The following MYO16 variants were observed in gnomAD, a reference collection of about 807,000 sequenced individuals.
MYO16 encodes unconventional myosin-XVI.
MYO16 carries 94 observed loss-of-function variants against 205.3 expected under a neutral mutation model. The observed-to-expected ratio is 0.46, with a 90% CI of 0.39 to 0.54. The LOEUF is 0.54. Ranked by LOEUF, MYO16 falls within the 20% of genes least tolerant of loss-of-function variation. The pLI is 0.00. For synonymous variants in MYO16, 988 were observed against 954.0 expected (o/e 1.04, Z -0.66); for missense variants, 2,315 against 2,387.5 (o/e 0.97, Z 0.63).
chr13:109,118,527 A>G (rs1195843084), intron 28 of MYO16, among the ~76,000 whole-genome samples: 2 of 152,164 alleles, frequency 1.3e-5, no homozygotes, highest in African/African-American at 2.4e-5. Context: ...AATGATCATT[A>G]TTGATCCCAT....
chr13:108,834,196 G>A (rs938486019), intron 9 of MYO16, among the ~76,000 whole-genome samples: 17 of 152,154 alleles, frequency 1.1e-4, no homozygotes, highest in Non-Finnish European at 2.1e-4. Context: ...GAGTTTCTAA[G>A]TGCTGGGGTG....
intron 4 of MYO16, among the ~76,000 whole-genome samples, chr13:108,734,104 A>C (rs1184050471): frequency 6.6e-6 from 1 of 152,202 alleles, no homozygotes; most frequent in Non-Finnish European, 1.5e-5. Flanking sequence ...GTTCCTTCAA[A>C]TCTCTGGTCA....
intron 32 of MYO16, among the ~76,000 whole-genome samples, chr13:109,156,771 C>G (rs1055648514): frequency 2.0e-5 from 3 of 152,070 alleles, no homozygotes; most frequent in Non-Finnish European, 1.5e-5. Context: ...CTCCTGCAAG[C>G]CCACATCTGC....
intron 3 of MYO16, among the ~76,000 whole-genome samples, 184 bp from the exon 4 acceptor site, chr13:108,727,256 C>T (rs1884371202): frequency 6.6e-6 from 1 of 151,914 alleles, no homozygotes; most frequent in African/African-American, 2.4e-5. Context: ...CCCAGTTCCC[C>T]AGAAGTCTTG....
intron 6 of MYO16, among the ~76,000 whole-genome samples, chr13:108,803,838 T>C (rs1244009749): frequency 6.6e-6 from 1 of 152,138 alleles, no homozygotes; most frequent in Non-Finnish European, 1.5e-5. Context: ...AGCATATAGA[T>C]ATTGTGTATC....
intron 7 of MYO16, among the ~76,000 whole-genome samples, chr13:108,819,849 C>T (rs938210865): frequency 3.3e-5 from 5 of 152,146 alleles, no homozygotes; most frequent in African/African-American, 1.2e-4. Context: ...ACAAAACACA[C>T]TATACCATAT....
intron 1 of MYO16, among the ~76,000 whole-genome samples, chr13:108,612,606 G>T (rs1166293893): frequency 1.3e-5 from 2 of 151,274 alleles, no homozygotes; most frequent in South Asian, 4.2e-4. Flanking sequence ...AACACTCGAG[G>T]AAATAAATAA....
intron 23 of MYO16, among the ~76,000 whole-genome samples, chr13:109,039,718 A>G (rs1886822987): frequency 6.6e-6 from 1 of 152,182 alleles, no homozygotes; most frequent in Non-Finnish European, 1.5e-5. Flanking sequence ...TGAGAAATGT[A>G]TATCACTAAA....
intron 4 of MYO16, among the ~76,000 whole-genome samples, chr13:108,738,624 G>T (rs926194876): frequency 2.0e-5 from 3 of 152,278 alleles, no homozygotes; most frequent in Admixed American, 6.5e-5. Context: ...TTGATTCGGG[G>T]TGAAGAGTTC....
upstream of MYO16, among the ~76,000 whole-genome samples, chr13:108,595,968 A>T (rs1416242382): frequency 1.3e-5 from 2 of 151,194 alleles, no homozygotes; most frequent in Non-Finnish European, 2.9e-5. Flanking sequence ...CAGTCATAAA[A>T]GGACAGCAGC....
At chr13:108,644,066 C>T (rs1479989154) in intron 1 of MYO16, among the ~76,000 whole-genome samples, 1 of 152,118 alleles carries the variant, frequency 6.6e-6, no homozygotes, top group African/African-American at 2.4e-5. Context: ...TGTCCTGGGC[C>T]CAGTTTCCTG....
intron 1 of MYO16, among the ~76,000 whole-genome samples, chr13:108,646,159 G>T (rs1221205945): frequency 1.3e-5 from 2 of 152,144 alleles, no homozygotes; most frequent in Non-Finnish European, 2.9e-5. Flanking sequence ...GTAAGAAAAA[G>T]GAGGGCTTTT....
rs58117690 is a variant in MYO16 at position 108,871,322 on chromosome 13, T to TTGTGTGTGTGTGTGTG, written c.1425+5106_1425+5121dup. Among the ~76,000 whole-genome samples the TTGTGTGTGTGTGTGTG allele has an allele frequency of 6.8e-5, 9 of 131,570 alleles. No homozygotes were observed. In the East Asian group the frequency reaches 1.2e-3, roughly 17 times the overall value. The allele number at this position is 131,570 out of a possible 152,430, so 86.3% of individuals were successfully genotyped here. A position where few individuals can be genotyped will look rare whatever the true frequency, so the allele number is the denominator to read the frequency against. ...TGAGGTCTGTTTCTACTATGTGACT[T>TTGTGTGTGTGTGTGTG]TGTGTGTGTGTGTGTGTGTGTGTGT... On this transcript the variant is annotated intron_variant, in intron 12 of 34. Coordinates refer to ENST00000457511, the MANE Select transcript of MYO16 (RefSeq NM_001198950.3).
At chr13:108,926,908 G>A (rs9514944) in intron 16 of MYO16, among the ~76,000 whole-genome samples, 40,380 of 152,038 alleles carry the variant, frequency 0.27, 5,763 homozygotes, top group Middle Eastern at 0.32. Flanking sequence ...CAGATTGCAC[G>A]TAGTTCTGTT....
intron 28 of MYO16, among the ~76,000 whole-genome samples, chr13:109,102,319 A>G (rs1016839998): frequency 5.9e-5 from 9 of 152,138 alleles, no homozygotes; most frequent in Admixed American, 1.3e-4. Flanking sequence ...TATTCTGTCT[A>G]TAGGTAACTG....
At chr13:108,941,696 G>A (rs1263543299) in intron 16 of MYO16, among the ~76,000 whole-genome samples, 2 of 143,002 alleles carry the variant, frequency 1.4e-5, no homozygotes, top group African/African-American at 2.7e-5. Flanking sequence ...AAAAAAAAAA[G>A]GTAAAAGAAA....
chr13:109,168,771 A>C (rs1187192288), intron 33 of MYO16, among the ~76,000 whole-genome samples: 1 of 152,226 alleles, frequency 6.6e-6, no homozygotes, highest in African/African-American at 2.4e-5. Flanking sequence ...TGTATTCAAG[A>C]AGAAATCACA....
At chr13:109,073,190 C>G (rs1240803711) in intron 27 of MYO16, among the ~76,000 whole-genome samples, 1 of 151,932 alleles carries the variant, frequency 6.6e-6, no homozygotes, top group Non-Finnish European at 1.5e-5. Flanking sequence ...GAACCTCCTC[C>G]TCCTGGGTTC....
the MYO16 span, among the ~76,000 whole-genome samples, chr13:108,524,372 C>T: frequency 2.5e-3 from 377 of 151,724 alleles, 3 homozygotes; most frequent in African/African-American, 8.5e-3. Context: ...TGACTCTCTC[C>T]CTCTCTCTTC....
Sources: gnomAD v4.1 joint callset for allele counts (sites outside exome capture counted in the v4.1 genomes callset) on GRCh38, gnomAD v4.1.1 for gene constraint, MANE v1.5 for transcripts, NCBI Gene and HGNC (gene_info 2026-07-23, HGNC 2026-07-21) for gene names.